Variants in DOCK1 observed in about 807,000 individuals in gnomAD.
DOCK1 encodes the protein dedicator of cytokinesis 1, also known as dedicator of cytokinesis protein 1.
In DOCK1, 138 loss-of-function variants were observed where a neutral mutation model predicts 262.7. That is an observed-to-expected ratio of 0.53 (90% CI 0.46 to 0.61). The LOEUF is 0.61. DOCK1 is among the 20% of genes least tolerant of loss of function. DOCK1 has a pLI of 0.00. For synonymous variants in DOCK1, 866 were observed against 867.4 expected (o/e 1.00, Z 0.03); for missense variants, 1,908 against 2,370.7 (o/e 0.80, Z 4.05).
chr10:126,936,594 A>G (rs1157727678), intron 1 of DOCK1, among the ~76,000 whole-genome samples: 4 of 152,200 alleles, frequency 2.6e-5, no homozygotes, highest in Admixed American at 2.6e-4. Flanking sequence ...TTGGCTTCTA[A>G]CCTGTAGTTT....
chr10:127,424,591 G>A (rs1172562489), intron 46 of DOCK1, among the ~76,000 whole-genome samples: 1 of 152,214 alleles, frequency 6.6e-6, no homozygotes, highest in Non-Finnish European at 1.5e-5. Context: ...GTCCCGGTCT[G>A]TCTGCGTCAT....
At chr10:127,153,996 A>C in intron 27 of DOCK1, 1 of 1,045,674 alleles carries the variant, frequency 9.6e-7, no homozygotes, top group South Asian at 1.3e-5. Context: ...AGATGCCTCA[A>C]ATCAAATGCC....
At chr10:127,280,014 A>G (rs1438935613) in intron 29 of DOCK1, among the ~76,000 whole-genome samples, 26 of 120,224 alleles carry the variant, frequency 2.2e-4, no homozygotes, top group African/African-American at 7.9e-4. Flanking sequence ...TATTTCATAT[A>G]TATATATATA....
At chr10:126,948,747 C>T (rs1285403231) in intron 1 of DOCK1, among the ~76,000 whole-genome samples, 2 of 152,030 alleles carry the variant, frequency 1.3e-5, no homozygotes. Flanking sequence ...CAGCCTGGAT[C>T]CCAAGCTTCC....
In DOCK1 at chr10:127,119,049, C is replaced by CTT. The variant is rs10655577; in HGVS notation, c.2624-6414_2624-6413dup. Among the ~76,000 whole-genome samples the CTT allele has an allele frequency of 1.3e-3, 193 of 145,962 alleles. 3 individuals carry two copies. Among genetic ancestry groups the CTT allele is most frequent in the South Asian group, 4.5e-3 (21 of 4,678 alleles). ...TGGGGGCTCCAGCTGAGGAATCAGG[C>CTT]TTTTTTTTTTTTGAGACGGAGTCTC... On this transcript the variant is annotated intron_variant, in intron 25 of 51. Transcript: ENST00000623213.
At chr10:127,377,535 C>A (rs528006397) in intron 35 of DOCK1, among the ~76,000 whole-genome samples, 2 of 152,116 alleles carry the variant, frequency 1.3e-5, no homozygotes, top group African/African-American at 4.8e-5. Context: ...TGGTTTCTTA[C>A]AAAACACAGT....
chr10:126,979,850 G>A (rs2038821811), intron 3 of DOCK1, among the ~76,000 whole-genome samples: 1 of 152,184 alleles, frequency 6.6e-6, no homozygotes, highest in Non-Finnish European at 1.5e-5. Context: ...CAACTTTCCT[G>A]TAGTTATAAG....
chr10:127,396,929 GACTCCTATGTGA>G (rs2066892240), intron 38 of DOCK1, among the ~76,000 whole-genome samples: 4 of 151,154 alleles, frequency 2.6e-5, no homozygotes, highest in Non-Finnish European at 5.9e-5. Context: ...CACGGGCAGC[GACTCCTATGTGA>G]TCTGAGCATG....
chr10:126,911,128 C>T lies in DOCK1; in HGVS notation c.46+5565C>T, dbSNP rs374635761. On this transcript the variant is annotated intron_variant, in intron 1 of 51. Coordinates refer to ENST00000623213, the MANE Select transcript of DOCK1 (RefSeq NM_001290223.2). ...GCTTTTTAAGAAACTGCCAAACTTT[C>T]CTGGAGTAACTGTGCCAGTTCACAT... is the stretch of plus-strand genomic sequence containing the variant. 1.8e-4 allele frequency among the ~76,000 whole-genome samples: 27 copies of T among 152,294 alleles called. No homozygotes were observed. The South Asian group carries it at 4.4e-3, about 25-fold the overall frequency.
At chr10:127,391,965 C>T (rs933325409) in intron 38 of DOCK1, among the ~76,000 whole-genome samples, 2 of 147,160 alleles carry the variant, frequency 1.4e-5, no homozygotes, top group African/African-American at 5.0e-5. Context: ...CCAGGCCTCT[C>T]ACCTGGCATG....
chr10:127,164,155 C>T (rs1188313851), intron 27 of DOCK1, among the ~76,000 whole-genome samples: 16 of 130,928 alleles, frequency 1.2e-4, no homozygotes, highest in South Asian at 5.3e-4. Context: ...CTGTCATTTG[C>T]CTCCTTTTTT....
At chr10:127,449,380 A>C (rs2070806488) in intron 51 of DOCK1, among the ~76,000 whole-genome samples, 1 of 134,898 alleles carries the variant, frequency 7.4e-6, no homozygotes, top group African/African-American at 2.8e-5. Context: ...TTCTAAACTT[A>C]GAATTACAGC....
intron 25 of DOCK1, among the ~76,000 whole-genome samples, chr10:127,122,719 G>T (rs1291287880): frequency 6.7e-6 from 1 of 150,140 alleles, no homozygotes; most frequent in Non-Finnish European, 1.5e-5. Context: ...TAAAAGTTTT[G>T]TTGTTTCTCA....
At chr10:127,259,314 C>T (rs2059933728) in intron 29 of DOCK1, among the ~76,000 whole-genome samples, 1 of 152,212 alleles carries the variant, frequency 6.6e-6, no homozygotes, top group African/African-American at 2.4e-5. Flanking sequence ...ATAGAAAGCA[C>T]TGGTCTTTTC....
intron 29 of DOCK1, among the ~76,000 whole-genome samples, chr10:127,272,443 A>C (rs1460060078): frequency 6.6e-6 from 1 of 152,218 alleles, no homozygotes; most frequent in Non-Finnish European, 1.5e-5. Flanking sequence ...GATTCTGCTA[A>C]ATGCTAATGT....
chr10:127,064,530 C>T (rs572390159), intron 23 of DOCK1, among the ~76,000 whole-genome samples: 9 of 152,240 alleles, frequency 5.9e-5, no homozygotes, highest in East Asian at 1.9e-4. Flanking sequence ...AAATGGAGGA[C>T]GCGTGGGCCA....
chr10:127,197,093 C>T lies in DOCK1; in HGVS notation c.2848-50915C>T, dbSNP rs558060532. On this transcript the variant is annotated intron_variant, in intron 27 of 51. Coordinates refer to ENST00000623213, the MANE Select transcript of DOCK1 (RefSeq NM_001290223.2). Reference sequence around the variant, plus strand: ...TTCGGGGATCCTTTCAGTGCTGGCTCCAACCTGGTGTCAGCCTCTCTACAT... The same window carrying T: ...TTCGGGGATCCTTTCAGTGCTGGCTTCAACCTGGTGTCAGCCTCTCTACAT... Among the ~76,000 whole-genome samples, 5 of 152,254 alleles carry T rather than the reference C, an allele frequency of 3.3e-5. No individual in the cohort carries two copies. The South Asian group carries it at 1.0e-3, about 32-fold the overall frequency.
In DOCK1 at chr10:127,145,614, C is replaced by T. The variant is rs375975092; in HGVS notation, c.2847+17850C>T. ...GTGGGATCCCATGACCCAGGGCCAT[C>T]ACCTTGCCTGCCTGTCTCCTTTTGA... is the stretch of plus-strand genomic sequence containing the variant. On this transcript the variant is annotated intron_variant, in intron 27 of 51. Coordinates refer to ENST00000623213, the MANE Select transcript of DOCK1 (RefSeq NM_001290223.2). 1.4e-4 allele frequency among the ~76,000 whole-genome samples: 22 copies of T among 152,290 alleles called. No individual in the cohort carries two copies. The East Asian group carries it at 2.5e-3, about 17-fold the overall frequency.
At chr10:127,361,106 C>CTTTTTTTT (rs1175942298) in intron 32 of DOCK1, among the ~76,000 whole-genome samples, 3 of 87,430 alleles carry the variant, frequency 3.4e-5, no homozygotes, top group Admixed American at 1.4e-4. Context: ...TAAAGTAGTT[C>CTTTTTTTT]TTTTTTTTTT....
Sources: gnomAD v4.1 joint callset for allele counts (sites outside exome capture counted in the v4.1 genomes callset) on GRCh38, gnomAD v4.1.1 for gene constraint, MANE v1.5 for transcripts, NCBI Gene and HGNC (gene_info 2026-07-23, HGNC 2026-07-21) for gene names.